The following GNA12 variants were observed in gnomAD, a reference collection of about 807,000 sequenced individuals.
GNA12 encodes guanine nucleotide-binding protein subunit alpha-12.
GNA12 carries 9 observed loss-of-function variants against 26.0 expected under a neutral mutation model. The observed-to-expected ratio is 0.35, with a 90% CI of 0.21 to 0.60. The LOEUF (loss-of-function observed/expected upper bound fraction) is 0.60. Among genes scored for constraint, GNA12 ranks in the 20% least tolerant of loss-of-function variants. The pLI is 0.78. For synonymous variants in GNA12, 264 were observed against 219.6 expected (o/e 1.20, Z -1.79); for missense variants, 405 against 525.8 (o/e 0.77, Z 2.25).
chr7:2,842,184 G>C (rs542291256), intron 1 of GNA12, among the ~76,000 whole-genome samples: 1 of 148,490 alleles, frequency 6.7e-6, no homozygotes, highest in African/African-American at 2.6e-5. Context: ...GGAGGACAAA[G>C]GACGCTATCT....
chr7:2,762,757 G>T, intron 2 of GNA12: 1 of 1,550,574 alleles, frequency 6.4e-7, no homozygotes, highest in East Asian at 2.4e-5. Context: ...AGTGCACCAG[G>T]CCCGTCCTTT....
chr7:2,765,963 G>T (rs798480), intron 2 of GNA12, among the ~76,000 whole-genome samples: 57,843 of 151,112 alleles, frequency 0.38, 11,555 homozygotes, highest in Admixed American at 0.46. Flanking sequence ...TTTTTAAAAA[G>T]TGTAGTAAAA....
At chr7:2,830,726 C>T (rs1793586663) in intron 1 of GNA12, among the ~76,000 whole-genome samples, 1 of 152,192 alleles carries the variant, frequency 6.6e-6, no homozygotes, top group African/African-American at 2.4e-5. Context: ...CCAACCTGAC[C>T]TTACAGGTTT....
At chr7:2,760,697 T>A (rs1791512795) in intron 2 of GNA12, among the ~76,000 whole-genome samples, 1 of 152,180 alleles carries the variant, frequency 6.6e-6, no homozygotes, top group Non-Finnish European at 1.5e-5. Context: ...CCATCTCCAT[T>A]TCCTTCTACA....
intron 1 of GNA12, among the ~76,000 whole-genome samples, chr7:2,802,560 C>T (rs145920817): frequency 9.9e-5 from 15 of 152,204 alleles, no homozygotes; most frequent in African/African-American, 2.9e-4. Context: ...ACCAAAGCTA[C>T]GATAGACATA....
At chr7:2,837,517 A>C (rs1014704301) in intron 1 of GNA12, among the ~76,000 whole-genome samples, 1 of 152,256 alleles carries the variant, frequency 6.6e-6, no homozygotes. Context: ...AATAAATGGG[A>C]TGAAGCCTGT....
chr7:2,790,418 A>G (rs373717644), intron 2 of GNA12, among the ~76,000 whole-genome samples: 6 of 152,072 alleles, frequency 3.9e-5, no homozygotes, highest in African/African-American at 1.2e-4. Context: ...GTCTAACCTC[A>G]ATTATATTTC....
At chr7:2,832,455 C>T (rs767722650) in intron 1 of GNA12, among the ~76,000 whole-genome samples, 3 of 152,186 alleles carry the variant, frequency 2.0e-5, no homozygotes, top group South Asian at 4.1e-4. Flanking sequence ...AACAGGCACT[C>T]GAGGGCTGCG....
At position 2,730,978 on chromosome 7, in the gene GNA12, G is replaced by T. The variant is rs1397401274; in HGVS notation, c.*203C>A. ...TTTCAGTAGTTTCACTCGCCCCCAG[G>T]ATTCAGTAGCTAACGTGACAGTTTC... On this transcript the variant is annotated 3_prime_UTR_variant, in exon 4 of 4. Coordinates refer to ENST00000275364, the MANE Select transcript of GNA12 (RefSeq NM_007353.3). The T allele has an allele frequency of 1.7e-5, 9 of 531,782 alleles. No homozygotes were observed. Among genetic ancestry groups the T allele is most frequent in the Non-Finnish European group, 3.0e-5 (9 of 296,828 alleles). 32.9% of individuals were successfully genotyped at this position (531,782 alleles called of 1,614,324 possible).
rs149772063 is a variant in GNA12, at chr7:2,812,055, G to T, written c.310-16912C>A. 8.5e-5 allele frequency among the ~76,000 whole-genome samples: 13 copies of T among 152,350 alleles called. No homozygotes were observed. The East Asian group carries it at 1.9e-3, about 23-fold the overall frequency. On this transcript the variant is annotated intron_variant, in intron 1 of 3. Coordinates refer to ENST00000275364, the MANE Select transcript of GNA12 (RefSeq NM_007353.3). ...GTACTCAAGAGAACCCGCGTTTCAC[G>T]CGACTCCTCTCCAAAAACCTGAAAA... is the stretch of plus-strand genomic sequence containing the variant.
At chr7:2,794,735 T>C in intron 2 of GNA12, 193 bp downstream of exon 2, 1 of 598,324 alleles carries the variant, frequency 1.7e-6, no homozygotes, top group Non-Finnish European at 3.0e-6. Flanking sequence ...TGGCTCTTGC[T>C]CCTTCCCCTC....
In GNA12 at chr7:2,836,139, G is replaced by A. The variant is rs112366231; in HGVS notation, c.309+7714C>T. On this transcript the variant is annotated intron_variant, in intron 1 of 3. Transcript: ENST00000275364. ...CTTTACAAAAAAATCAAAGCAACTAGTAGATTCAAATAATGAACTGCAGAG... is the reference window on the plus strand; with the variant it reads ...CTTTACAAAAAAATCAAAGCAACTAATAGATTCAAATAATGAACTGCAGAG... The A allele has an allele frequency of 3.4e-3, 783 of 230,962 alleles. 5 individuals carry two copies. Among genetic ancestry groups the A allele is most frequent in the African/African-American group, 0.017 (704 of 42,308 alleles). 14.3% of individuals were successfully genotyped at this position (230,962 alleles called of 1,614,324 possible).
At chr7:2,740,461 C>A (rs1412507475) in intron 2 of GNA12, among the ~76,000 whole-genome samples, 4 of 152,216 alleles carry the variant, frequency 2.6e-5, no homozygotes, top group Admixed American at 1.3e-4. Context: ...AGCCCTCCCT[C>A]ACCAGAACCT....
At chr7:2,818,177 T>G (rs752126738) in intron 1 of GNA12, among the ~76,000 whole-genome samples, 3 of 152,176 alleles carry the variant, frequency 2.0e-5, no homozygotes, top group African/African-American at 4.8e-5. Flanking sequence ...TACATAATAG[T>G]GTAATTCTGC....
chr7:2,754,321 T>C (rs1007914056), intron 2 of GNA12, among the ~76,000 whole-genome samples: 3 of 152,132 alleles, frequency 2.0e-5, no homozygotes, highest in Non-Finnish European at 2.9e-5. Flanking sequence ...TATTTTCTGT[T>C]TGGATTGTTT....
intron 2 of GNA12, among the ~76,000 whole-genome samples, chr7:2,754,203 C>A (rs1417199682): frequency 6.6e-6 from 1 of 152,196 alleles, no homozygotes; most frequent in Non-Finnish European, 1.5e-5. Flanking sequence ...TCTGAGTCTG[C>A]ATCTCCCTTA....
At chr7:2,829,695 T>G (rs150451790) in intron 1 of GNA12, among the ~76,000 whole-genome samples, 121 of 152,328 alleles carry the variant, frequency 7.9e-4, no homozygotes, top group Middle Eastern at 3.4e-3. Flanking sequence ...CATCTGACTT[T>G]TGTGTGCTAG....
chr7:2,830,894 T>C (rs942556383), intron 1 of GNA12, among the ~76,000 whole-genome samples: 1 of 151,980 alleles, frequency 6.6e-6, no homozygotes. Flanking sequence ...TGAGCTGTGA[T>C]TGCACCACTG....
At chr7:2,833,406 C>A (rs1374111799) in intron 1 of GNA12, among the ~76,000 whole-genome samples, 2 of 152,214 alleles carry the variant, frequency 1.3e-5, no homozygotes, top group Non-Finnish European at 2.9e-5. Context: ...TAATTACGAG[C>A]TGTCAACGGA....
Sources: gnomAD v4.1 joint callset for allele counts (sites outside exome capture counted in the v4.1 genomes callset) on GRCh38, gnomAD v4.1.1 for gene constraint, MANE v1.5 for transcripts, NCBI Gene and HGNC (gene_info 2026-07-23, HGNC 2026-07-21) for gene names.